TRIO: variants seen among roughly 807,000 people sequenced by gnomAD.
TRIO encodes triple functional domain protein.
TRIO carries 58 observed loss-of-function variants against 351.9 expected under a neutral mutation model. The ratio of observed to expected loss-of-function variants is 0.16; its 90% CI spans 0.13 to 0.21. The LOEUF (loss-of-function observed/expected upper bound fraction) is 0.21. TRIO is among the 10% of genes least tolerant of loss of function. The pLI, the probability that TRIO is intolerant of heterozygous loss-of-function variation, is 1.00. For synonymous variants in TRIO, 1,758 were observed against 1,595.7 expected, an observed-to-expected ratio of 1.10 and a Z score of -2.42; for missense variants, 3,201 against 4,027.8, an observed-to-expected ratio of 0.79 and a Z score of 5.56.
At chr5:14,439,520 A>AGTCAACTTTTT (rs1751858023) in intron 34 of TRIO, among the ~76,000 whole-genome samples, 1 of 152,258 alleles carries the variant, frequency 6.6e-6, no homozygotes, top group African/African-American at 2.4e-5. Flanking sequence ...AAAGGGACAA[A>AGTCAACTTTTT]GTCAACTTTT....
chr5:14,456,145 G>A (rs534813975), intron 34 of TRIO, among the ~76,000 whole-genome samples: 28 of 152,366 alleles, frequency 1.8e-4, no homozygotes, highest in Middle Eastern at 3.4e-3. Context: ...GGCCAGTGGC[G>A]CTGGCTGGCC....
At chr5:14,266,040 C>G (rs1581482857) in intron 1 of TRIO, among the ~76,000 whole-genome samples, 1 of 152,020 alleles carries the variant, frequency 6.6e-6, no homozygotes, top group African/African-American at 2.4e-5. Flanking sequence ...TTGATTCATT[C>G]ATTCATCCAT....
At chr5:14,210,677 T>G (rs1000706347) in intron 1 of TRIO, among the ~76,000 whole-genome samples, 1 of 152,218 alleles carries the variant, frequency 6.6e-6, no homozygotes, top group African/African-American at 2.4e-5. Context: ...AAATAAATTT[T>G]TATTTCAACA....
intron 1 of TRIO, among the ~76,000 whole-genome samples, chr5:14,212,539 A>G (rs566481818): frequency 4.7e-4 from 72 of 152,204 alleles, no homozygotes; most frequent in Non-Finnish European, 9.4e-4. Context: ...AGACACCTAA[A>G]ATAAAGTGTC....
At chr5:14,349,973 G>A (rs553251881) in intron 11 of TRIO, among the ~76,000 whole-genome samples, 1 of 152,324 alleles carries the variant, frequency 6.6e-6, no homozygotes, top group East Asian at 1.9e-4. Context: ...TGAGAACATG[G>A]GTAGTTGGTT....
intron 11 of TRIO, among the ~76,000 whole-genome samples, chr5:14,353,343 A>AC (rs1371895623): frequency 7.1e-6 from 1 of 141,128 alleles, no homozygotes; most frequent in Non-Finnish European, 1.5e-5. Context: ...AGTTCACTGC[A>AC]CCCTCTGCCT....
chr5:14,193,937 G>C (rs1395889770), intron 1 of TRIO, among the ~76,000 whole-genome samples: 2 of 152,082 alleles, frequency 1.3e-5, no homozygotes, highest in Non-Finnish European at 2.9e-5. Context: ...GTCCTTACCT[G>C]CTCCTTTCAC....
At chr5:14,292,911 G>T in intron 5 of TRIO, 101 bp from the exon 6 acceptor site, 1 of 1,535,910 alleles carries the variant, frequency 6.5e-7, no homozygotes, top group Non-Finnish European at 8.9e-7. Flanking sequence ...AAGTTGTCCA[G>T]GGAAGGAAGT....
At chr5:14,225,778 T>A (rs957612008) in intron 1 of TRIO, among the ~76,000 whole-genome samples, 48 of 137,264 alleles carry the variant, frequency 3.5e-4, no homozygotes, top group Non-Finnish European at 6.3e-4. Flanking sequence ...TATCCCATCA[T>A]ATTCACTGCT....
chr5:14,359,848 G>T (rs746013978), intron 13 of TRIO, among the ~76,000 whole-genome samples: 1 of 152,186 alleles, frequency 6.6e-6, no homozygotes, highest in Non-Finnish European at 1.5e-5. Flanking sequence ...TCTCGGCCTT[G>T]GGGTGTTAAA....
Position 14,487,708 on chromosome 5 carries a change from G to A in TRIO, c.7080G>A (p.Gln2360=). ...TGGTCTCCTCTGCAGCCTCGAGCCA[G>A]GCAGAGGCAGACAAGATGTCAGGTA... ...PVLVSSAASS[Q]AEADKMSGTS... The change falls in exon 48 of 57, where the codon CAG becomes CAA. Residue 2360 remains glutamine, a synonymous_variant. Coordinates refer to ENST00000344204, the MANE Select transcript of TRIO (RefSeq NM_007118.4). 1 of 1,443,046 alleles carries A rather than the reference G, an allele frequency of 6.9e-7. No individual in the cohort carries two copies. The highest frequency in any genetic ancestry group is 1.4e-5 in the South Asian group (1 of 72,528). The allele number at this position is 1,443,046 out of a possible 1,614,324, so 89.4% of individuals were successfully genotyped here. A position where few individuals can be genotyped will look rare whatever the true frequency, so the allele number is the denominator to read the frequency against.
intron 7 of TRIO, among the ~76,000 whole-genome samples, chr5:14,300,142 C>T (rs761992603): frequency 5.3e-5 from 8 of 152,250 alleles, no homozygotes; most frequent in Non-Finnish European, 1.0e-4. Flanking sequence ...TTAGGGGCTC[C>T]AGCCTTCGCT....
chr5:14,336,020 A>G (rs1741376401), intron 10 of TRIO, among the ~76,000 whole-genome samples: 1 of 152,238 alleles, frequency 6.6e-6, no homozygotes, highest in Admixed American at 6.5e-5. Flanking sequence ...TAGAAAGAAG[A>G]TGAGCACAGA....
At chr5:14,479,771 T>C in intron 42 of TRIO, 148 bp from the exon 43 acceptor site, 1 of 601,356 alleles carries the variant, frequency 1.7e-6, no homozygotes, top group Non-Finnish European at 2.7e-6. Context: ...GGAAATTCTG[T>C]GAACTAGCAA....
At chr5:14,232,928 G>C (rs749149968) in intron 1 of TRIO, among the ~76,000 whole-genome samples, 1 of 152,196 alleles carries the variant, frequency 6.6e-6, no homozygotes, top group Non-Finnish European at 1.5e-5. Flanking sequence ...GCCAGGGCAG[G>C]CCCTGTGGGA....
At chr5:14,308,052 C>T (rs1461368090) in intron 8 of TRIO, among the ~76,000 whole-genome samples, 1 of 152,122 alleles carries the variant, frequency 6.6e-6, no homozygotes, top group African/African-American at 2.4e-5. Context: ...TTTGTACTTT[C>T]CCTGCCTACC....
At chr5:14,205,845 G>C (rs899968086) in intron 1 of TRIO, among the ~76,000 whole-genome samples, 2 of 151,538 alleles carry the variant, frequency 1.3e-5, no homozygotes, top group African/African-American at 4.9e-5. Context: ...CGATTCTCGT[G>C]CCTCAGCCTC....
intron 39 of TRIO, among the ~76,000 whole-genome samples, chr5:14,473,057 T>G (rs1014873334): frequency 6.6e-6 from 1 of 152,200 alleles, no homozygotes; most frequent in African/African-American, 2.4e-5. Flanking sequence ...GTGGGTTCGG[T>G]TCCATCCTGA....
rs1409750744 is a variant in TRIO, at chr5:14,507,121, G to C, written c.8613-1G>C. ...ACAGTCACCCGCTCCTGCCTCTTTAGGGCTGACCAGGGTCGCCTCCTGGAC... is the reference window on the plus strand; with the variant it reads ...ACAGTCACCCGCTCCTGCCTCTTTACGGCTGACCAGGGTCGCCTCCTGGAC... On this transcript the variant is annotated splice_acceptor_variant, in intron 55 of 56. Transcript: ENST00000344204. LOFTEE classifies it high-confidence loss of function. The C allele has an allele frequency of 6.3e-7, 1 of 1,590,820 alleles. No homozygotes were observed. Among genetic ancestry groups the C allele is most frequent in the African/African-American group, 1.4e-5 (1 of 73,802 alleles).
Sources: allele counts gnomAD v4.1 joint callset (sites outside exome capture counted in the v4.1 genomes callset), GRCh38; gene constraint gnomAD v4.1.1; transcripts MANE v1.5; gene names NCBI Gene and HGNC (gene_info 2026-07-23, HGNC 2026-07-21).